AGAP1: variants seen among roughly 807,000 people sequenced by gnomAD.
AGAP1 encodes ArfGAP with GTPase domain, ankyrin repeat and PH domain 1.
A neutral mutation model predicts 105.3 loss-of-function variants in AGAP1; 29 were observed. The ratio of observed to expected loss-of-function variants is 0.28; its 90% CI spans 0.21 to 0.38. AGAP1 has a LOEUF of 0.38. Ranked by LOEUF, AGAP1 falls within the 10% of genes least tolerant of loss-of-function variation. AGAP1 has a pLI of 1.00. For missense variants in AGAP1, 998 were observed against 1,165.1 expected, an observed-to-expected ratio of 0.86 and a Z score of 2.09; for synonymous variants, 509 against 485.9, an observed-to-expected ratio of 1.05 and a Z score of -0.63.
intron 6 of AGAP1, among the ~76,000 whole-genome samples, chr2:235,765,241 G>A (rs1954840960): frequency 2.3e-5 from 3 of 131,436 alleles, no homozygotes; most frequent in Middle Eastern, 4.5e-3. Context: ...GGGAGCGTCC[G>A]TGGGGTGGGG....
chr2:235,861,147 T>C (rs2106510872), intron 9 of AGAP1, among the ~76,000 whole-genome samples: 1 of 152,350 alleles, frequency 6.6e-6, no homozygotes, highest in South Asian at 2.1e-4. Context: ...GCTGATACAA[T>C]ATTTGCAGTG....
Position 236,012,734 on chromosome 2 carries a change from G to A in AGAP1, c.1646-23827G>A, listed in dbSNP as rs2056558014. The stretch of plus-strand genomic sequence containing the variant: ...ACCCGTATCCTTTAACACCGCAGAT[G>A]CCTGCTAGTTTAGAGGTTGTTTCTT... On this transcript the variant is annotated intron_variant, in intron 13 of 17. Transcript: ENST00000304032. The surrounding 1 kb of genome is among the most constrained non-coding windows in gnomAD (Gnocchi z 4.9). 6.6e-6 allele frequency among the ~76,000 whole-genome samples: 1 copy of A among 151,466 alleles called. No individual in the cohort carries two copies. Among genetic ancestry groups the A allele is most frequent in the South Asian group, 2.1e-4 (1 of 4,782 alleles).
At chr2:235,693,651 C>T (rs975214981) in intron 1 of AGAP1, among the ~76,000 whole-genome samples, 4 of 152,096 alleles carry the variant, frequency 2.6e-5, no homozygotes, top group African/African-American at 7.2e-5. Context: ...CTCAGGAGTT[C>T]GAGTGCAGCC....
rs974353048 is a variant in AGAP1 at position 235,877,525 on chromosome 2, C to T, written c.1051-5820C>T. ...CGTGTACAGCATGCGGTGCCTTCCC[C>T]GGGGGTTAACTTGTTCTCAGAGTGA... On this transcript the variant is annotated intron_variant, in intron 9 of 17. Transcript: ENST00000304032. The surrounding 1 kb of genome is among the most constrained non-coding windows in gnomAD (Gnocchi z 4.3). 5.3e-5 allele frequency among the ~76,000 whole-genome samples: 8 copies of T among 152,018 alleles called. No homozygotes were observed. The East Asian group carries it at 5.8e-4, about 11-fold the overall frequency.
At position 235,812,446 on chromosome 2, in the gene AGAP1, G is replaced by A. The variant is rs576769265; in HGVS notation, c.1050+5115G>A. On this transcript the variant is annotated intron_variant, in intron 9 of 17. Coordinates refer to ENST00000304032, the MANE Select transcript of AGAP1 (RefSeq NM_001037131.3). ...AGGAACCTCTGGAGTTAATCCCCTC[G>A]TCCAGCCTGCCGCAGGCCACCGACC... Among the ~76,000 whole-genome samples the A allele has an allele frequency of 5.9e-5, 9 of 152,328 alleles. No homozygotes were observed. The South Asian group carries it at 6.2e-4, about 11-fold the overall frequency.
intron 16 of AGAP1, among the ~76,000 whole-genome samples, chr2:236,118,387 C>CTTTTTTTTTT (rs529993131): frequency 9.5e-5 from 11 of 116,284 alleles, no homozygotes; most frequent in African/African-American, 1.6e-4. Context: ...TTTTCTTTTT[C>CTTTTTTTTTT]TTTTTTTTTT....
At chr2:235,886,687 C>T (rs1489841083) in intron 10 of AGAP1, among the ~76,000 whole-genome samples, 1 of 152,168 alleles carries the variant, frequency 6.6e-6, no homozygotes, top group Non-Finnish European at 1.5e-5. Flanking sequence ...ATGCCAGTCT[C>T]CTTGGAACTG....
Position 235,699,078 on chromosome 2 carries a change from C to G in AGAP1, c.164-10101C>G, listed in dbSNP as rs375000348. 1.6e-3 allele frequency among the ~76,000 whole-genome samples: 238 copies of G among 151,488 alleles called. 5 individuals are homozygous for G. In the East Asian group the frequency reaches 0.042, roughly 27 times the overall value. On this transcript the variant is annotated intron_variant, in intron 1 of 17. Coordinates refer to ENST00000304032, the MANE Select transcript of AGAP1 (RefSeq NM_001037131.3). ...CCACGGGCATCAGACATCCCCCCCC[C>G]CCACCCCACCTAGGCTCGCACAGGA...
chr2:235,501,804 T>G (rs1181159309), intron 1 of AGAP1, among the ~76,000 whole-genome samples: 2 of 152,160 alleles, frequency 1.3e-5, no homozygotes, highest in African/African-American at 4.8e-5. Flanking sequence ...TCCTCCAGCC[T>G]TCACGTCCTT....
In AGAP1 at chr2:235,777,232, C is replaced by G. The variant is rs1458593646; in HGVS notation, c.674-20527C>G. On this transcript the variant is annotated intron_variant, in intron 6 of 17. Coordinates refer to ENST00000304032, the MANE Select transcript of AGAP1 (RefSeq NM_001037131.3). This position sits in a 1 kb window ranked among gnomAD's most constrained non-coding sequence, Gnocchi z 5.1. ...AATTAGCCAGGCGTGCGCCTGTAAT[C>G]CCAGCTACTCGGGAGTCTGAGGCAG... 6.6e-6 allele frequency among the ~76,000 whole-genome samples: 1 copy of G among 152,208 alleles called. No homozygotes were observed. The highest frequency in any genetic ancestry group is 1.5e-5 in the Non-Finnish European group (1 of 68,044).
rs1403069681 is a variant in AGAP1, at chr2:235,967,456, A to G, written c.1484-1006A>G. ...CCGGCTGCCATGTCACTGCCACTCC[A>G]CTTTACAGAGTCCCCATTGGGGCAG... On this transcript the variant is annotated intron_variant, in intron 12 of 17. Transcript: ENST00000304032. The surrounding 1 kb of genome is among the most constrained non-coding windows in gnomAD (Gnocchi z 4.7). Among the ~76,000 whole-genome samples the G allele has an allele frequency of 6.6e-6, 1 of 151,868 alleles. No homozygotes were observed. The highest frequency in any genetic ancestry group is 1.9e-4 in the East Asian group (1 of 5,186).
intron 11 of AGAP1, among the ~76,000 whole-genome samples, chr2:235,925,596 C>T (rs1044427733): frequency 1.3e-5 from 2 of 152,140 alleles, no homozygotes; most frequent in African/African-American, 2.4e-5. Flanking sequence ...AGCACTTGGG[C>T]GTTTCCTTAA....
chr2:235,791,520 A>G (rs1956976026), intron 6 of AGAP1, among the ~76,000 whole-genome samples: 1 of 152,048 alleles, frequency 6.6e-6, no homozygotes, highest in Non-Finnish European at 1.5e-5. Context: ...ATCGTGATAA[A>G]CAATAAGATG....
chr2:235,737,975 AG>A lies in AGAP1; in HGVS notation c.311-2985del, dbSNP rs1190253254. Among the ~76,000 whole-genome samples the A allele has an allele frequency of 6.6e-6, 1 of 151,958 alleles. No individual in the cohort carries two copies. Among genetic ancestry groups the A allele is most frequent in the East Asian group, 1.9e-4 (1 of 5,138 alleles). ...GTATCTGGGGCAACCATCAGAGGGC[AG>A]GGCTGGAGCTGGGGCCCTGTAGGGC... On this transcript the variant is annotated intron_variant, in intron 3 of 17. Transcript: ENST00000304032. The surrounding 1 kb of genome is among the most constrained non-coding windows in gnomAD (Gnocchi z 4.5).
intron 1 of AGAP1, among the ~76,000 whole-genome samples, chr2:235,563,464 G>A (rs1944234408): frequency 6.6e-6 from 1 of 152,180 alleles, no homozygotes; most frequent in South Asian, 2.1e-4. Context: ...AGATGCCTCG[G>A]CTCCTTCTGT....
At position 235,801,750 on chromosome 2, in the gene AGAP1, G is replaced by C. The variant is rs1239483025; in HGVS notation, c.957+2228G>C. Reference sequence around the variant, plus strand: ...CGGGAGGAGGGGCGGGCTTGTCATCGTGGTGGTCGAGAACACCTTCTGTGT... The same window carrying C: ...CGGGAGGAGGGGCGGGCTTGTCATCCTGGTGGTCGAGAACACCTTCTGTGT... On this transcript the variant is annotated intron_variant, in intron 8 of 17. Transcript: ENST00000304032. The surrounding 1 kb of genome is among the most constrained non-coding windows in gnomAD (Gnocchi z 6.0). 6.6e-6 allele frequency among the ~76,000 whole-genome samples: 1 copy of C among 152,196 alleles called. No individual in the cohort carries two copies. The highest frequency in any genetic ancestry group is 2.4e-5 in the African/African-American group (1 of 41,454).
intron 16 of AGAP1, among the ~76,000 whole-genome samples, chr2:236,112,111 G>A (rs1464020132): frequency 6.6e-6 from 1 of 152,050 alleles, no homozygotes; most frequent in African/African-American, 2.4e-5. Flanking sequence ...TTGCCACAGA[G>A]ATTGAAATAA....
At chr2:235,800,265 AT>A (rs547612945) in intron 8 of AGAP1, among the ~76,000 whole-genome samples, 1,502 of 141,610 alleles carry the variant, frequency 0.011, 2 homozygotes, top group Middle Eastern at 0.011. Context: ...CGTGTGGCTA[AT>A]TTTTTTTTTT....
intron 6 of AGAP1, among the ~76,000 whole-genome samples, chr2:235,781,664 G>A (rs1045397160): frequency 2.0e-5 from 3 of 152,160 alleles, no homozygotes; most frequent in South Asian, 2.1e-4. Context: ...AGAAGCCTTC[G>A]TAAGCCAAAC....
Sources: gnomAD v4.1 joint callset for allele counts (sites outside exome capture counted in the v4.1 genomes callset) on GRCh38, gnomAD v4.1.1 for gene constraint, Gnocchi (gnomAD v3.1) non-coding constraint, MANE v1.5 for transcripts, NCBI Gene and HGNC (gene_info 2026-07-23, HGNC 2026-07-21) for gene names.